RXFP1: variants seen among roughly 807,000 people sequenced by gnomAD.
RXFP1 encodes relaxin receptor 1.
A neutral mutation model predicts 89.8 loss-of-function variants in RXFP1; 73 were observed. The ratio of observed to expected loss-of-function variants is 0.81; its 90% CI spans 0.67 to 0.99. The LOEUF (loss-of-function observed/expected upper bound fraction) is 0.99, where lower values mean the gene tolerates loss of function less well. RXFP1 is among the 50% of genes least tolerant of loss of function. RXFP1 has a pLI of 0.00. For synonymous variants in RXFP1, 277 were observed against 305.5 expected (o/e 0.91, Z 0.97); for missense variants, 793 against 895.5 (o/e 0.89, Z 1.46).
At position 158,647,096 on chromosome 4, in the gene RXFP1, G is replaced by A. The variant is rs868780888; in HGVS notation, c.1651G>A (p.Glu551Lys). Residue 551 changes from glutamate to lysine, a missense_variant, in exon 16 of 18, where the codon GAA becomes AAA. Glu to Lys is a moderately conservative substitution (Grantham distance 56). Transcript: ENST00000307765. ...GGCTTTCATTCCATTGAGCAATAAG[G>A]AATTTTTCAAAAACTACTATGGCAC... ...IVAFIPLSNKEFFKNYYGTNG... is the reference protein window; with the variant it reads ...IVAFIPLSNKKFFKNYYGTNG... 6.2e-7 allele frequency: 1 copy of A among 1,614,032 alleles called. No individual in the cohort carries two copies.
intron 4 of RXFP1, among the ~76,000 whole-genome samples, chr4:158,602,240 A>T (rs985735179): frequency 7.2e-5 from 11 of 152,236 alleles, no homozygotes; most frequent in African/African-American, 2.7e-4. Flanking sequence ...AGAAAGAAGT[A>T]ACCTATAAAT....
At chr4:158,586,362 C>A (rs1758307009) in intron 2 of RXFP1, among the ~76,000 whole-genome samples, 1 of 152,144 alleles carries the variant, frequency 6.6e-6, no homozygotes, top group Admixed American at 6.6e-5. Context: ...CTGAAAAGCT[C>A]TTTTTTAGTA....
At chr4:158,550,797 A>AT (rs1257214414) in intron 1 of RXFP1, among the ~76,000 whole-genome samples, 1 of 152,182 alleles carries the variant, frequency 6.6e-6, no homozygotes, top group Non-Finnish European at 1.5e-5. Context: ...TCTGAATCCC[A>AT]TTTCCACCAC....
chr4:158,589,549 G>A (rs1758998952), intron 2 of RXFP1, among the ~76,000 whole-genome samples: 1 of 152,130 alleles, frequency 6.6e-6, no homozygotes, highest in Non-Finnish European at 1.5e-5. Context: ...AGGAGAGTTG[G>A]CAACTTATTT....
intron 1 of RXFP1, among the ~76,000 whole-genome samples, chr4:158,522,785 T>C (rs866034094): frequency 2.6e-5 from 4 of 152,148 alleles, no homozygotes; most frequent in African/African-American, 9.7e-5. Flanking sequence ...GAACAAAACT[T>C]TCTGGGTATC....
chr4:158,628,630 A>G lies in RXFP1; in HGVS notation c.828-8A>G. 1.0e-5 allele frequency: 15 copies of G among 1,430,624 alleles called. No individual in the cohort carries two copies. The highest frequency in any genetic ancestry group is 1.5e-5 in the Non-Finnish European group (15 of 1,022,600). The allele number at this position is 1,430,624 out of a possible 1,614,324, so 88.6% of individuals were successfully genotyped here. ...GAAGTTACAATGTATTTTTCTTTTT[A>G]CTTTCAGAGTGATGAGGAAAAACAA... On this transcript the variant is annotated splice_region_variant and splice_polypyrimidine_tract_variant and intron_variant, in intron 10 of 17. Coordinates refer to ENST00000307765, the MANE Select transcript of RXFP1 (RefSeq NM_021634.4).
At position 158,593,392 on chromosome 4, in the gene RXFP1, T is replaced by G. The variant is rs376665451; in HGVS notation, c.188-9T>G. On this transcript the variant is annotated splice_polypyrimidine_tract_variant and intron_variant, in intron 2 of 17. Coordinates refer to ENST00000307765, the MANE Select transcript of RXFP1 (RefSeq NM_021634.4). The stretch of plus-strand genomic sequence containing the variant: ...CTTGAACTTTTTTGTTCTCTGATTT[T>G]TATTTTAGGAGACAACAATGGATGG... 157 of 1,587,092 alleles carry G rather than the reference T, an allele frequency of 9.9e-5. No homozygotes were observed. The highest frequency in any genetic ancestry group is 1.2e-4 in the Non-Finnish European group (134 of 1,158,834).
chr4:158,650,300 G>A (rs975366054), intron 17 of RXFP1, among the ~76,000 whole-genome samples: 3 of 151,902 alleles, frequency 2.0e-5, no homozygotes, highest in Admixed American at 2.0e-4. Context: ...GGAGATGGAT[G>A]GTGGTTATGG....
intron 4 of RXFP1, 130 bp downstream of exon 4, chr4:158,599,561 A>G: frequency 1.4e-6 from 1 of 718,370 alleles, no homozygotes; most frequent in Non-Finnish European, 2.2e-6. Flanking sequence ...TGGGTCAGGT[A>G]TAATAATTAC....
At chr4:158,566,077 C>T (rs74604191) in intron 1 of RXFP1, among the ~76,000 whole-genome samples, 5,807 of 152,228 alleles carry the variant, frequency 0.038, 166 homozygotes, top group Non-Finnish European at 0.056. Context: ...ATGCAAGGAG[C>T]GATTCCAAAC....
At chr4:158,633,574 T>TA in intron 12 of RXFP1, 98 bp downstream of exon 12, 1 of 701,492 alleles carries the variant, frequency 1.4e-6, no homozygotes, top group Non-Finnish European at 2.4e-6. Flanking sequence ...TTTAAGTGTG[T>TA]AGTTGAGTAG....
chr4:158,576,148 T>A (rs1451020337), intron 2 of RXFP1, among the ~76,000 whole-genome samples: 1 of 152,256 alleles, frequency 6.6e-6, no homozygotes, highest in East Asian at 1.9e-4. Context: ...CTATTTCAAT[T>A]TGTTACTGAT....
intron 15 of RXFP1, among the ~76,000 whole-genome samples, chr4:158,645,423 G>A (rs551605554): frequency 3.9e-5 from 6 of 152,002 alleles, no homozygotes; most frequent in Admixed American, 2.6e-4. Context: ...TTTTGTTGAC[G>A]CATCTAAAAT....
At chr4:158,545,767 C>T (rs1228815759) in intron 1 of RXFP1, among the ~76,000 whole-genome samples, 2 of 152,044 alleles carry the variant, frequency 1.3e-5, no homozygotes, top group Admixed American at 6.6e-5. Flanking sequence ...TGTAGATATG[C>T]GGCATTATTT....
chr4:158,593,298 T>G, intron 2 of RXFP1, 103 bp from the exon 3 acceptor site: 1 of 519,712 alleles, frequency 1.9e-6, no homozygotes, highest in South Asian at 3.9e-5. Flanking sequence ...TCGCTACATT[T>G]GGAGAAACCA....
intron 1 of RXFP1, among the ~76,000 whole-genome samples, chr4:158,524,967 C>T (rs1742125482): frequency 1.3e-5 from 2 of 152,144 alleles, no homozygotes; most frequent in Non-Finnish European, 2.9e-5. Flanking sequence ...TCTTCTCTTT[C>T]AGACTCCTAG....
intron 2 of RXFP1, among the ~76,000 whole-genome samples, chr4:158,573,573 A>G (rs779456371): frequency 4.6e-5 from 7 of 152,278 alleles, no homozygotes; most frequent in South Asian, 2.1e-4. Flanking sequence ...TCTTCTTCCA[A>G]TGTGGTCCAG....
In RXFP1 at chr4:158,651,855, A is replaced by G. The variant is rs2150286006; in HGVS notation, c.2074A>G (p.Ile692Val). The change falls in exon 18 of 18, where the codon ATT becomes GTT. Residue 692 changes from isoleucine (I) to valine (V), a missense_variant. Coordinates refer to ENST00000307765, the MANE Select transcript of RXFP1 (RefSeq NM_021634.4). The stretch of plus-strand genomic sequence containing the variant: ...GACCACAAGACCATTTAAAGAAATG[A>G]TTCATCGGTTTTGGTATAACTACAG... ...TLTTRPFKEM[I>V]HRFWYNYRQR... 1.2e-6 allele frequency: 2 copies of G among 1,614,180 alleles called. No homozygotes were observed. The highest frequency in any genetic ancestry group is 8.5e-7 in the Non-Finnish European group (1 of 1,180,018).
intron 5 of RXFP1, among the ~76,000 whole-genome samples, chr4:158,607,358 T>C (rs1162630610): frequency 3.3e-5 from 5 of 152,234 alleles, no homozygotes; most frequent in Non-Finnish European, 7.3e-5. Context: ...TTACTCCTTA[T>C]AAATTTCCTC....
Sources: allele counts gnomAD v4.1 joint callset (sites outside exome capture counted in the v4.1 genomes callset), GRCh38; gene constraint gnomAD v4.1.1; transcripts MANE v1.5; gene names NCBI Gene and HGNC (gene_info 2026-07-23, HGNC 2026-07-21).